Variants in RIMS1 observed in about 807,000 individuals in gnomAD.
RIMS1 encodes regulating synaptic membrane exocytosis 1, also known as regulating synaptic membrane exocytosis protein 1.
Under a neutral mutation model 214.1 loss-of-function variants are expected in RIMS1, and 83 were observed. The observed-to-expected ratio is 0.39, with a 90% CI of 0.32 to 0.47. The LOEUF is 0.47. Among genes scored for constraint, RIMS1 ranks in the 20% least tolerant of loss-of-function variants. RIMS1 has a pLI of 0.99. For missense variants in RIMS1, 2,050 were observed against 2,161.8 expected, an observed-to-expected ratio of 0.95 and a Z score of 1.03; for synonymous variants, 793 against 786.8, an observed-to-expected ratio of 1.01 and a Z score of -0.13.
At chr6:72,159,978 G>A (rs1409805879) in intron 4 of RIMS1, among the ~76,000 whole-genome samples, 2 of 138,804 alleles carry the variant, frequency 1.4e-5, no homozygotes, top group African/African-American at 5.0e-5. Flanking sequence ...AATTACCTTG[G>A]GCAGCAAGGC....
At chr6:72,064,932 G>T (rs1434030785) in intron 2 of RIMS1, among the ~76,000 whole-genome samples, 1 of 152,164 alleles carries the variant, frequency 6.6e-6, no homozygotes, top group Non-Finnish European at 1.5e-5. Flanking sequence ...GCTGTAACAG[G>T]CGTGGTGTAT....
chr6:72,073,901 T>G (rs1468441389), intron 2 of RIMS1, among the ~76,000 whole-genome samples: 2 of 152,246 alleles, frequency 1.3e-5, no homozygotes, highest in Non-Finnish European at 2.9e-5. Context: ...TTTTAAAGTA[T>G]TCTCCTTAAT....
rs761628472 is a variant in RIMS1, at chr6:72,183,170, G to A, written c.1678+21G>A. The stretch of plus-strand genomic sequence containing the variant: ...GAAAGGTAAGGGGGCGGCGCCGGCC[G>A]TGCGGGGACTTCAGCCAAGTGAAGA... On this transcript the variant is annotated intron_variant, in intron 6 of 33. Coordinates refer to ENST00000521978, the MANE Select transcript of RIMS1 (RefSeq NM_014989.7). 7 of 1,581,874 alleles carry A rather than the reference G, an allele frequency of 4.4e-6. No individual in the cohort carries two copies. The South Asian group carries it at 5.8e-5, about 13-fold the overall frequency.
At chr6:72,245,000 G>A (rs552550025) in intron 10 of RIMS1, among the ~76,000 whole-genome samples, 5 of 151,862 alleles carry the variant, frequency 3.3e-5, no homozygotes, top group African/African-American at 9.7e-5. Flanking sequence ...ATATTAAAAC[G>A]TCTTTGGAAA....
intron 2 of RIMS1, among the ~76,000 whole-genome samples, chr6:72,084,108 G>T (rs1834067770): frequency 6.6e-6 from 1 of 152,128 alleles, no homozygotes; most frequent in Non-Finnish European, 1.5e-5. Context: ...TTGCTCATAT[G>T]TGTAGACACC....
intron 1 of RIMS1, among the ~76,000 whole-genome samples, chr6:71,925,170 T>C (rs575180288): frequency 6.2e-4 from 94 of 152,358 alleles, no homozygotes; most frequent in Admixed American, 2.0e-3. Context: ...TTTTCTGCCC[T>C]CTTTTATTTT....
At chr6:71,937,805 G>T (rs1111356) in intron 1 of RIMS1, among the ~76,000 whole-genome samples, 132,049 of 152,168 alleles carry the variant, frequency 0.87, 57,386 homozygotes, top group East Asian at 1. Context: ...GAAGAGGACA[G>T]TTAAATCATA....
chr6:72,138,340 C>G (rs78317327), intron 4 of RIMS1, among the ~76,000 whole-genome samples: 1 of 152,082 alleles, frequency 6.6e-6, no homozygotes, highest in Admixed American at 6.6e-5. Flanking sequence ...TCAGTACAAA[C>G]CAGTTTTAGA....
chr6:72,148,713 G>GT, intron 4 of RIMS1: 33 of 385,194 alleles, frequency 8.6e-5, no homozygotes, highest in East Asian at 1.5e-4. Flanking sequence ...GGAGACTTGG[G>GT]TTTTTTTTTT....
At position 72,141,193 on chromosome 6, in the gene RIMS1, G is replaced by C. The variant is rs116467028; in HGVS notation, c.472-38382G>C. Among the ~76,000 whole-genome samples, 803 of 152,080 alleles carry C rather than the reference G, an allele frequency of 5.3e-3. 7 individuals are homozygous for C. Among genetic ancestry groups the C allele is most frequent in the African/African-American group, 0.019 (776 of 41,534 alleles). On this transcript the variant is annotated intron_variant, in intron 4 of 33. Transcript: ENST00000521978. ...AAGTTAGCCATCTAATAACACAGTT[G>C]TGGAGTTTAGATAAAGATTCATTGA...
At chr6:72,182,093 AT>A (rs1355513921) in intron 5 of RIMS1, among the ~76,000 whole-genome samples, 190 bp from the exon 6 acceptor site, 1 of 152,224 alleles carries the variant, frequency 6.6e-6, no homozygotes, top group African/African-American at 2.4e-5. Context: ...TTTGGTAATA[AT>A]TAATATGTGT....
intron 4 of RIMS1, among the ~76,000 whole-genome samples, chr6:72,164,106 C>G (rs1562470545): frequency 6.6e-6 from 1 of 152,174 alleles, no homozygotes; most frequent in Non-Finnish European, 1.5e-5. Context: ...GCCCCTCCCC[C>G]AGTCTCGCTG....
intron 1 of RIMS1, among the ~76,000 whole-genome samples, chr6:71,945,861 T>G (rs1275844405): frequency 1.3e-5 from 2 of 151,792 alleles, no homozygotes; most frequent in Non-Finnish European, 1.5e-5. Flanking sequence ...GCGATTCTCC[T>G]GCCTCAGCCT....
chr6:71,888,604 C>G (rs1007264430), intron 1 of RIMS1, among the ~76,000 whole-genome samples: 1 of 152,154 alleles, frequency 6.6e-6, no homozygotes. Flanking sequence ...CATTCACAGA[C>G]CGATGGTTCC....
chr6:72,338,358 T>C (rs2096920981), intron 29 of RIMS1, among the ~76,000 whole-genome samples: 1 of 152,054 alleles, frequency 6.6e-6, no homozygotes, highest in South Asian at 2.1e-4. Context: ...TGAGCATTTT[T>C]TCATGTGTCT....
At chr6:72,006,776 G>A (rs1042007292) in intron 2 of RIMS1, among the ~76,000 whole-genome samples, 4 of 152,244 alleles carry the variant, frequency 2.6e-5, no homozygotes, top group African/African-American at 9.6e-5. Flanking sequence ...GAGGCTGGGG[G>A]AGGGGCGCCT....
chr6:72,031,871 A>G (rs550120959), intron 2 of RIMS1, among the ~76,000 whole-genome samples: 1 of 152,344 alleles, frequency 6.6e-6, no homozygotes, highest in South Asian at 2.1e-4. Flanking sequence ...GCAGATTAGA[A>G]GAGAAAGGTT....
chr6:72,244,350 A>C (rs2068397228), intron 10 of RIMS1, among the ~76,000 whole-genome samples: 1 of 151,846 alleles, frequency 6.6e-6, no homozygotes, highest in African/African-American at 2.4e-5. Flanking sequence ...AATATTGCTG[A>C]AGCAATTAAC....
intron 2 of RIMS1, among the ~76,000 whole-genome samples, chr6:71,996,803 G>A (rs558721951): frequency 6.6e-6 from 1 of 151,980 alleles, no homozygotes; most frequent in Admixed American, 6.5e-5. Flanking sequence ...AGCATTTCCT[G>A]GGGAAAAAAA....
Sources: allele counts gnomAD v4.1 joint callset (sites outside exome capture counted in the v4.1 genomes callset), GRCh38; gene constraint gnomAD v4.1.1; transcripts MANE v1.5; gene names NCBI Gene and HGNC (gene_info 2026-07-23, HGNC 2026-07-21).